Variants in DENND11 observed in about 807,000 individuals in gnomAD.
The protein encoded by DENND11 is DENN domain containing 11.
A neutral mutation model predicts 49.2 loss-of-function variants in DENND11; 34 were observed. The observed-to-expected ratio is 0.69, with a 90% CI of 0.53 to 0.92. DENND11 has a LOEUF of 0.92. Ranked by LOEUF, DENND11 falls within the 40% of genes least tolerant of loss-of-function variation. The pLI, the probability that DENND11 is intolerant of heterozygous loss-of-function variation, is 0.00. For synonymous variants in DENND11, 238 were observed against 230.3 expected, an observed-to-expected ratio of 1.03 and a Z score of -0.30; for missense variants, 475 against 581.6, an observed-to-expected ratio of 0.82 and a Z score of 1.88.
rs1797703528 is a variant in DENND11 at position 141,656,855 on chromosome 7, A to C, written c.*5801T>G. 6.5e-6 allele frequency: 1 copy of C among 153,040 alleles called. No individual in the cohort carries two copies. The highest frequency in any genetic ancestry group is 1.5e-5 in the Non-Finnish European group (1 of 68,124). The allele number at this position is 153,040 out of a possible 1,614,324, so 9.5% of individuals were successfully genotyped here. ...TATTCATAGATGTTATTTGTACCAC[A>C]GAACAAAATCAATTCAAGAAACATT... On this transcript the variant is annotated 3_prime_UTR_variant, in exon 9 of 9. Coordinates refer to ENST00000536163, the MANE Select transcript of DENND11 (RefSeq NM_001080392.2).
At chr7:141,669,067 C>A (rs1797937585) in intron 4 of DENND11, among the ~76,000 whole-genome samples, 1 of 152,074 alleles carries the variant, frequency 6.6e-6, no homozygotes, top group African/African-American at 2.4e-5. Context: ...CGGGGCCCAG[C>A]CCCCCTCCCC....
At chr7:141,671,446 G>A (rs1056746054) in intron 4 of DENND11, among the ~76,000 whole-genome samples, 2 of 152,174 alleles carry the variant, frequency 1.3e-5, no homozygotes, top group African/African-American at 2.4e-5. Context: ...CAAAGTGTTG[G>A]GATTACAGGC....
Position 141,662,460 on chromosome 7 carries a change from C to T in DENND11, c.*196G>A. 2.2e-6 allele frequency: 1 copy of T among 445,604 alleles called. No individual in the cohort carries two copies. Among genetic ancestry groups the T allele is most frequent in the Non-Finnish European group, 3.9e-6 (1 of 256,150 alleles). The allele number at this position is 445,604 out of a possible 1,614,324, so 27.6% of individuals were successfully genotyped here. The stretch of plus-strand genomic sequence containing the variant: ...ATTCCAATATCCTAACATGGCAGGA[C>T]ACAAAACCAAGGTGATCTCACCTTA... On this transcript the variant is annotated 3_prime_UTR_variant, in exon 9 of 9. Coordinates refer to ENST00000536163, the MANE Select transcript of DENND11 (RefSeq NM_001080392.2).
At chr7:141,687,631 A>ACTTTTTTTTTTTTTTT (rs1554410465) in intron 1 of DENND11, among the ~76,000 whole-genome samples, 5 of 112,800 alleles carry the variant, frequency 4.4e-5, no homozygotes, top group African/African-American at 1.6e-4. Flanking sequence ...CACTCGGCTA[A>ACTTTTTTTTTTTTTTT]TTTTTTTTTT....
At position 141,659,129 on chromosome 7, in the gene DENND11, CCTAAG is replaced by C. The variant is rs1469029258; in HGVS notation, c.*3522_*3526del. On this transcript the variant is annotated 3_prime_UTR_variant, in exon 9 of 9. Coordinates refer to ENST00000536163, the MANE Select transcript of DENND11 (RefSeq NM_001080392.2). Reference sequence around the variant, plus strand: ...ACAAGGTAAGTTATAGATGCAAGTTCCTAAGCTAAATTACTTCTATTGATACATCA... The same window carrying C: ...ACAAGGTAAGTTATAGATGCAAGTTCCTAAATTACTTCTATTGATACATCA... The C allele has an allele frequency of 6.6e-6, 1 of 152,194 alleles. No homozygotes were observed. Among genetic ancestry groups the C allele is most frequent in the Non-Finnish European group, 1.5e-5 (1 of 68,032 alleles). 9.4% of individuals were successfully genotyped at this position (152,194 alleles called of 1,614,324 possible). A position where few individuals can be genotyped will look rare whatever the true frequency, so the allele number is the denominator to read the frequency against.
At chr7:141,677,053 T>G (rs1798068817) in intron 3 of DENND11, among the ~76,000 whole-genome samples, 1 of 152,156 alleles carries the variant, frequency 6.6e-6, no homozygotes, top group Non-Finnish European at 1.5e-5. Context: ...CCTACCACAC[T>G]GGCAATAATT....
rs369274724 is a variant in DENND11 at position 141,665,659 on chromosome 7, T to C, written c.821-341A>G. 7.9e-5 allele frequency among the ~76,000 whole-genome samples: 12 copies of C among 152,280 alleles called. No individual in the cohort carries two copies. The East Asian group carries it at 1.7e-3, about 22-fold the overall frequency. The stretch of plus-strand genomic sequence containing the variant: ...CTGCCTGTCCCTCCCTAGTCCTTTC[T>C]GTCCTTCCACCTTTCTGGTCCACTT... On this transcript the variant is annotated intron_variant, in intron 5 of 8. Coordinates refer to ENST00000536163, the MANE Select transcript of DENND11 (RefSeq NM_001080392.2).
At chr7:141,664,601 A>G (rs1249879080) in intron 7 of DENND11, among the ~76,000 whole-genome samples, 1 of 152,202 alleles carries the variant, frequency 6.6e-6, no homozygotes, top group African/African-American at 2.4e-5. Flanking sequence ...CCGCACACAC[A>G]GGTACATCTA....
rs531449605 is a variant in DENND11 at position 141,701,745 on chromosome 7, C to A, written c.268+141G>T. 7 of 689,108 alleles carry A rather than the reference C, an allele frequency of 1.0e-5. No homozygotes were observed. The South Asian group carries it at 4.8e-4, about 48-fold the overall frequency. 42.7% of individuals were successfully genotyped at this position (689,108 alleles called of 1,614,324 possible). A position where few individuals can be genotyped will look rare whatever the true frequency, so the allele number is the denominator to read the frequency against. ...TGGCCGACCCCCGCCCTTCCCCAAG[C>A]CCGGGAGCCCGGGGCCGGCCCTGGT... is the stretch of plus-strand genomic sequence containing the variant. On this transcript the variant is annotated intron_variant, in intron 1 of 8. Coordinates refer to ENST00000536163, the MANE Select transcript of DENND11 (RefSeq NM_001080392.2).
rs1316757491 is a variant in DENND11, at chr7:141,658,958, A to T, written c.*3698T>A. On this transcript the variant is annotated 3_prime_UTR_variant, in exon 9 of 9. Transcript: ENST00000536163. ...CCTCATAGCCACCAGAAGGAAAAAC[A>T]ATGATTTAGCTAAGATTTAATTTAT... 1 of 152,606 alleles carries T rather than the reference A, an allele frequency of 6.6e-6. No homozygotes were observed. Among genetic ancestry groups the T allele is most frequent in the Non-Finnish European group, 1.5e-5 (1 of 68,046 alleles). 9.5% of individuals were successfully genotyped at this position (152,606 alleles called of 1,614,324 possible). A position where few individuals can be genotyped will look rare whatever the true frequency, so the allele number is the denominator to read the frequency against.
chr7:141,677,487 A>ATGTG (rs777782993), intron 3 of DENND11, among the ~76,000 whole-genome samples: 210 of 137,738 alleles, frequency 1.5e-3, no homozygotes, highest in African/African-American at 5.5e-3. Flanking sequence ...ATATATTTAT[A>ATGTG]TGTGTGTGTG....
At position 141,685,507 on chromosome 7, in the gene DENND11, G is replaced by C. The variant is rs1798224597; in HGVS notation, c.498C>G (p.Arg166=). The C allele has an allele frequency of 1.9e-6, 3 of 1,613,844 alleles. No homozygotes were observed. Among genetic ancestry groups the C allele is most frequent in the Admixed American group, 1.7e-5 (1 of 60,008 alleles). ...CCTGGTTCTCCAAGAAGTGCATGTA[G>C]CGGTAAAGCAGTGTGTAGGAGGGAG... ...ILSPSYTLLY[R]YMHFLENQVR... The change falls in exon 3 of 9, where the codon CGC becomes CGG. Residue 166 remains arginine (R), a synonymous_variant. Coordinates refer to ENST00000536163, the MANE Select transcript of DENND11 (RefSeq NM_001080392.2).
At chr7:141,665,442 C>T (rs1388695420) in intron 5 of DENND11, 124 bp from the exon 6 acceptor site, 38 of 1,340,006 alleles carry the variant, frequency 2.8e-5, no homozygotes, top group South Asian at 2.5e-4. Flanking sequence ...GTGGTCCTGG[C>T]GTTCTGAGGA....
chr7:141,677,501 G>GTGTATATATATATATATA (rs1235481797), intron 3 of DENND11, among the ~76,000 whole-genome samples: 3 of 130,370 alleles, frequency 2.3e-5, no homozygotes, highest in Admixed American at 7.9e-5. Flanking sequence ...GTGTGTGTGT[G>GTGTATATATATATATATA]TGTATATATA....
intron 1 of DENND11, among the ~76,000 whole-genome samples, chr7:141,695,426 A>C (rs983367467): frequency 6.6e-6 from 1 of 152,242 alleles, no homozygotes; most frequent in Non-Finnish European, 1.5e-5. Flanking sequence ...CACCACACTA[A>C]TAGGGAATGA....
chr7:141,676,077 GA>G (rs1319365298), intron 3 of DENND11, among the ~76,000 whole-genome samples: 1 of 152,190 alleles, frequency 6.6e-6, no homozygotes, highest in Non-Finnish European at 1.5e-5. Context: ...TTGTCAAACT[GA>G]CGAAAGTCTG....
chr7:141,685,331 AC>A (rs1315804610), intron 3 of DENND11, 146 bp downstream of exon 3: 1 of 974,680 alleles, frequency 1.0e-6, no homozygotes, highest in Non-Finnish European at 1.5e-6. Context: ...ACGAAAGGAC[AC>A]CACCCGAGGC....
chr7:141,692,960 T>C (rs559976143), intron 1 of DENND11, among the ~76,000 whole-genome samples: 1 of 152,182 alleles, frequency 6.6e-6, no homozygotes, highest in South Asian at 2.1e-4. Flanking sequence ...TAGCAATGAG[T>C]TTCTAGATAT....
intron 4 of DENND11, among the ~76,000 whole-genome samples, chr7:141,673,822 A>C (rs147179114): frequency 6.6e-6 from 1 of 152,214 alleles, no homozygotes; most frequent in South Asian, 2.1e-4. Flanking sequence ...CTATCTTTTC[A>C]CAACTGGCCT....
Sources: gnomAD v4.1 joint callset for allele counts (sites outside exome capture counted in the v4.1 genomes callset) on GRCh38, gnomAD v4.1.1 for gene constraint, MANE v1.5 for transcripts, NCBI Gene and HGNC (gene_info 2026-07-23, HGNC 2026-07-21) for gene names.